ZNF573: variants seen among roughly 807,000 people sequenced by gnomAD.
ZNF573 encodes the protein zinc finger protein 573.
A neutral mutation model predicts 57.4 loss-of-function variants in ZNF573; 41 were observed. That is an observed-to-expected ratio of 0.71 (90% CI 0.56 to 0.93). ZNF573 has a LOEUF of 0.93. Among genes scored for constraint, ZNF573 ranks in the 40% least tolerant of loss-of-function variants. ZNF573 has a pLI of 0.00. For missense variants in ZNF573, 730 were observed against 794.8 expected (o/e 0.92, Z 0.98); for synonymous variants, 249 against 261.0 (o/e 0.95, Z 0.44).
At chr19:37,764,862 G>A (rs1383073810) in intron 4 of ZNF573, among the ~76,000 whole-genome samples, 4 of 150,170 alleles carry the variant, frequency 2.7e-5, no homozygotes, top group Admixed American at 6.7e-5. Context: ...CTTGGCCTCC[G>A]AAAGTGCTCA....
rs188813853 is a variant in ZNF573 at position 37,774,240 on chromosome 19, C to T, written c.-22-489G>A. Among the ~76,000 whole-genome samples the T allele has an allele frequency of 2.7e-5, 4 of 148,110 alleles. 1 individual carries two copies. Among genetic ancestry groups the T allele is most frequent in the Admixed American group, 2.1e-4 (3 of 14,448 alleles). On this transcript the variant is annotated intron_variant, in intron 1 of 4. Coordinates refer to ENST00000536220, the MANE Select transcript of ZNF573 (RefSeq NM_001172690.2). Reference sequence around the variant, plus strand: ...GCAACCTCTGCCACCCAGGTTCAAGCGATTCTCCTGTCTCAGCCACCCAAG... The same window carrying T: ...GCAACCTCTGCCACCCAGGTTCAAGTGATTCTCCTGTCTCAGCCACCCAAG...
chr19:37,738,691 T>C lies in ZNF573; in HGVS notation c.1799A>G (p.His600Arg). The change falls in exon 5 of 5, where the codon CAT becomes CGT. Residue 600 changes from histidine to arginine, a missense_variant. Physicochemically the swap from His to Arg is conservative, Grantham distance 29 (BLOSUM62 0). Transcript: ENST00000536220. ...TTTTCCACCAGTATGAATTTTCTGATGTTGGGTAAGGTAGCCATACATTTT... is the reference window on the plus strand; with the variant it reads ...TTTTCCACCAGTATGAATTTTCTGACGTTGGGTAAGGTAGCCATACATTTT... Reference protein sequence around the residue: ...AFKMYGYLTQHQKIHTGGKPY... With the variant: ...AFKMYGYLTQRQKIHTGGKPY... 1 of 1,611,644 alleles carries C rather than the reference T, an allele frequency of 6.2e-7. No individual in the cohort carries two copies. Among genetic ancestry groups the C allele is most frequent in the Non-Finnish European group, 8.5e-7 (1 of 1,179,166 alleles).
At chr19:37,768,856 C>CTCAAATAGAATA (rs771763127) in intron 4 of ZNF573, among the ~76,000 whole-genome samples, 14 of 149,858 alleles carry the variant, frequency 9.3e-5, no homozygotes, top group Admixed American at 2.0e-4. Flanking sequence ...TTAGTAGAGA[C>CTCAAATAGAATA]GGGGTTTCAC....
chr19:37,742,648 CT>C (rs1312120591), intron 4 of ZNF573, among the ~76,000 whole-genome samples: 1 of 152,164 alleles, frequency 6.6e-6, no homozygotes, highest in East Asian at 1.9e-4. Context: ...AACTAGACCC[CT>C]TCCTTACACC....
intron 4 of ZNF573, among the ~76,000 whole-genome samples, chr19:37,746,054 A>G (rs994316135): frequency 2.0e-5 from 3 of 152,246 alleles, no homozygotes; most frequent in Non-Finnish European, 4.4e-5. Flanking sequence ...GATTGTATAG[A>G]GTATGTAGTC....
chr19:37,763,464 C>T (rs1346666879), intron 4 of ZNF573, among the ~76,000 whole-genome samples: 1 of 151,728 alleles, frequency 6.6e-6, no homozygotes, highest in Admixed American at 6.6e-5. Flanking sequence ...ACTTGGGAGG[C>T]TGAGGCAGGA....
At chr19:37,775,160 G>C (rs913277064) in intron 1 of ZNF573, among the ~76,000 whole-genome samples, 2 of 151,910 alleles carry the variant, frequency 1.3e-5, no homozygotes, top group Non-Finnish European at 2.9e-5. Context: ...GGGACTAAAG[G>C]TGTGCACCAC....
chr19:37,759,159 A>G, intron 4 of ZNF573: 1 of 614,624 alleles, frequency 1.6e-6, no homozygotes, highest in Non-Finnish European at 2.0e-6. Flanking sequence ...AAACAAACAA[A>G]CAAAATAACG....
In ZNF573 at chr19:37,750,831, C is replaced by CAA. The variant is rs537735677; in HGVS notation, c.296-10639_296-10638dup. ...CAGATGACAGAGCAAGACCCAGTCT[C>CAA]AAAAAAAAAAAAAAAAAGTCAACTG... On this transcript the variant is annotated intron_variant, in intron 4 of 4. Transcript: ENST00000536220. Among the ~76,000 whole-genome samples, 662 of 98,176 alleles carry CAA rather than the reference C, an allele frequency of 6.7e-3. 7 individuals are homozygous for CAA. Among genetic ancestry groups the CAA allele is most frequent in the Middle Eastern group, 0.022 (4 of 178 alleles). The allele number at this position is 98,176 out of a possible 152,430, so 64.4% of individuals were successfully genotyped here.
At chr19:37,751,616 T>G (rs935636285) in intron 4 of ZNF573, among the ~76,000 whole-genome samples, 2 of 115,794 alleles carry the variant, frequency 1.7e-5, no homozygotes, top group Admixed American at 9.2e-5. Flanking sequence ...TGTGTATATA[T>G]ACAGTATAGA....
chr19:37,748,115 A>G (rs2045399084), intron 4 of ZNF573, among the ~76,000 whole-genome samples: 1 of 152,236 alleles, frequency 6.6e-6, no homozygotes, highest in African/African-American at 2.4e-5. Context: ...AAAGCAGAAA[A>G]AACTGTCACA....
intron 4 of ZNF573, among the ~76,000 whole-genome samples, chr19:37,760,374 A>G (rs934866328): frequency 6.6e-6 from 1 of 152,210 alleles, no homozygotes; most frequent in African/African-American, 2.4e-5. Flanking sequence ...ACAGATGCCA[A>G]CTTGAAAGAG....
intron 4 of ZNF573, among the ~76,000 whole-genome samples, chr19:37,757,429 C>T (rs2045499711): frequency 6.6e-6 from 1 of 151,824 alleles, no homozygotes; most frequent in Non-Finnish European, 1.5e-5. Context: ...GATCTCCCGA[C>T]CTCGTGATCT....
chr19:37,738,357 G>T lies in ZNF573; in HGVS notation c.*135C>A. 6 of 792,972 alleles carry T rather than the reference G, an allele frequency of 7.6e-6. No homozygotes were observed. Among genetic ancestry groups the T allele is most frequent in the Non-Finnish European group, 1.1e-5 (6 of 562,914 alleles). 49.1% of individuals were successfully genotyped at this position (792,972 alleles called of 1,614,324 possible). On this transcript the variant is annotated 3_prime_UTR_variant, in exon 5 of 5. Transcript: ENST00000536220. ...CATTAAAACAGGACTGACATTGAATGCTTTCTAATGTGGCAAGATCTGCAT... is the reference window on the plus strand; with the variant it reads ...CATTAAAACAGGACTGACATTGAATTCTTTCTAATGTGGCAAGATCTGCAT...
At chr19:37,740,630 C>A (rs985062778) in intron 4 of ZNF573, 2 of 455,720 alleles carry the variant, frequency 4.4e-6, no homozygotes, top group Non-Finnish European at 8.8e-6. Context: ...TTTCCAAGGA[C>A]TGCTGCTTAC....
intron 4 of ZNF573, among the ~76,000 whole-genome samples, chr19:37,758,087 T>G (rs1249884711): frequency 2.0e-5 from 3 of 150,016 alleles, no homozygotes; most frequent in East Asian, 4.0e-4. Context: ...CATTAGGAGA[T>G]ATATCTAATG....
In ZNF573 at chr19:37,774,015, G is replaced by A. The variant is rs2045683444; in HGVS notation, c.-22-264C>T. Among the ~76,000 whole-genome samples, 3 of 152,124 alleles carry A rather than the reference G, an allele frequency of 2.0e-5. No individual in the cohort carries two copies. In the South Asian group the frequency reaches 6.2e-4, roughly 32 times the overall value. ...CTGGACAAGGCTCCAATTTGGGAAGGCTGATCTAGACTTGAGATTAGGCTG... is the reference window on the plus strand; with the variant it reads ...CTGGACAAGGCTCCAATTTGGGAAGACTGATCTAGACTTGAGATTAGGCTG... On this transcript the variant is annotated intron_variant, in intron 1 of 4. Coordinates refer to ENST00000536220, the MANE Select transcript of ZNF573 (RefSeq NM_001172690.2).
intron 1 of ZNF573, 116 bp from the exon 2 acceptor site, chr19:37,773,867 G>C: frequency 1.6e-6 from 1 of 625,274 alleles, no homozygotes; most frequent in East Asian, 2.9e-5. Context: ...ATAACTTAGG[G>C]AAAAACAGAC....
chr19:37,776,519 A>G (rs2045710510), intron 1 of ZNF573, among the ~76,000 whole-genome samples: 1 of 152,234 alleles, frequency 6.6e-6, no homozygotes, highest in African/African-American at 2.4e-5. Context: ...AAGACCTGAA[A>G]CCATAAAAAT....
Sources: allele counts gnomAD v4.1 joint callset (sites outside exome capture counted in the v4.1 genomes callset), GRCh38; gene constraint gnomAD v4.1.1; transcripts MANE v1.5; gene names NCBI Gene and HGNC (gene_info 2026-07-23, HGNC 2026-07-21).